NCKAP5: variants seen among roughly 807,000 people sequenced by gnomAD.
NCKAP5 encodes the protein nck-associated protein 5.
In NCKAP5, 92 loss-of-function variants were observed where a neutral mutation model predicts 167.0. The ratio of observed to expected loss-of-function variants is 0.55; its 90% CI spans 0.47 to 0.66. The LOEUF (loss-of-function observed/expected upper bound fraction) is 0.66. Among genes scored for constraint, NCKAP5 ranks in the 30% least tolerant of loss-of-function variants. NCKAP5 has a pLI of 0.00. For missense variants in NCKAP5, 2,378 were observed against 2,315.0 expected (o/e 1.03, Z -0.56); for synonymous variants, 891 against 877.4 (o/e 1.02, Z -0.27).
At chr2:133,469,271 G>T (rs945330442) in intron 3 of NCKAP5, among the ~76,000 whole-genome samples, 1 of 151,824 alleles carries the variant, frequency 6.6e-6, no homozygotes, top group Non-Finnish European at 1.5e-5. Flanking sequence ...TGCTTATGAA[G>T]CTTAGTTTGG....
At chr2:133,577,554 CATGTGCACAACGTGCAGGTTTGT>C in the NCKAP5 span, among the ~76,000 whole-genome samples, 20 of 151,822 alleles carry the variant, frequency 1.3e-4, no homozygotes, top group Non-Finnish European at 2.8e-4. Context: ...TTTTAGGGTA[CATGTGCACAACGTGCAGGTTTGT>C]TACATTGTAC....
At chr2:133,548,619 A>G (rs1686975065) in intron 2 of NCKAP5, among the ~76,000 whole-genome samples, 4 of 152,072 alleles carry the variant, frequency 2.6e-5, no homozygotes, top group Admixed American at 2.6e-4. Context: ...TTTCATATCC[A>G]GCCAAACTAA....
chr2:133,188,430 C>A (rs536682462), intron 5 of NCKAP5, among the ~76,000 whole-genome samples: 24 of 151,900 alleles, frequency 1.6e-4, no homozygotes, highest in African/African-American at 5.5e-4. Flanking sequence ...TGCACCAAGC[C>A]GACCTAATAG....
the NCKAP5 span, among the ~76,000 whole-genome samples, chr2:133,592,096 C>T: frequency 1.1e-4 from 16 of 151,864 alleles, no homozygotes; most frequent in Non-Finnish European, 2.4e-4. Flanking sequence ...GGGTATGAAA[C>T]ATTTTTCATT....
intron 3 of NCKAP5, among the ~76,000 whole-genome samples, chr2:133,349,288 AAG>A (rs1684189678): frequency 6.6e-6 from 1 of 152,198 alleles, no homozygotes. Flanking sequence ...CCCTAGGAAG[AAG>A]AGAGTTTCCA....
chr2:133,524,676 A>G (rs1684724799), intron 2 of NCKAP5, among the ~76,000 whole-genome samples: 1 of 152,132 alleles, frequency 6.6e-6, no homozygotes, highest in Non-Finnish European at 1.5e-5. Context: ...ACCAAATAGA[A>G]TGTTTGAAAC....
intron 8 of NCKAP5, among the ~76,000 whole-genome samples, chr2:132,932,687 A>C (rs1380603831): frequency 6.6e-6 from 1 of 152,146 alleles, no homozygotes; most frequent in Non-Finnish European, 1.5e-5. Context: ...TTTCCACAAA[A>C]GGGGAAACAT....
chr2:133,014,962 T>C (rs1041318586), intron 6 of NCKAP5, among the ~76,000 whole-genome samples: 1 of 152,148 alleles, frequency 6.6e-6, no homozygotes. Flanking sequence ...TTTTATATGG[T>C]TCAACCTAAT....
chr2:133,329,460 C>G (rs181498569), intron 3 of NCKAP5, among the ~76,000 whole-genome samples: 4 of 152,052 alleles, frequency 2.6e-5, no homozygotes, highest in African/African-American at 9.7e-5. Context: ...ACCAAGGACA[C>G]CACTGGTCTT....
At chr2:133,256,403 G>A (rs1421862545) in intron 4 of NCKAP5, among the ~76,000 whole-genome samples, 2 of 151,622 alleles carry the variant, frequency 1.3e-5, no homozygotes, top group Admixed American at 1.3e-4. Context: ...TGGCTCATTT[G>A]GCATATGTTT....
intron 3 of NCKAP5, among the ~76,000 whole-genome samples, chr2:133,499,113 C>T (rs751163312): frequency 6.6e-6 from 1 of 152,126 alleles, no homozygotes; most frequent in Non-Finnish European, 1.5e-5. Context: ...TTCTGGACTG[C>T]GGCTGCCAGA....
intron 11 of NCKAP5, among the ~76,000 whole-genome samples, chr2:132,844,514 TGTGA>T (rs1688526576): frequency 6.6e-6 from 1 of 151,950 alleles, no homozygotes; most frequent in South Asian, 2.1e-4. Flanking sequence ...TGCTTTTCTG[TGTGA>T]GTGTGTATTT....
chr2:133,627,311 ATAAGAAT>A, the NCKAP5 span, among the ~76,000 whole-genome samples: 3 of 152,226 alleles, frequency 2.0e-5, no homozygotes, highest in African/African-American at 4.8e-5. Context: ...ATTAATCTCC[ATAAGAAT>A]TAAGGAAATA....
intron 3 of NCKAP5, among the ~76,000 whole-genome samples, chr2:133,368,009 C>G (rs1490448950): frequency 1.3e-5 from 2 of 152,134 alleles, no homozygotes; most frequent in Non-Finnish European, 2.9e-5. Flanking sequence ...GAACTGAAGT[C>G]AGACACGTGG....
Position 133,543,919 on chromosome 2 carries a change from G to T in NCKAP5, c.-62+15131C>A, listed in dbSNP as rs990940551. The stretch of plus-strand genomic sequence containing the variant: ...TTCCCACTAGATTGGTTCCCCTCAA[G>T]AACAGAAGCCACAGCTCATTTATCT... On this transcript the variant is annotated intron_variant, in intron 2 of 19. Transcript: ENST00000409261. 3.3e-5 allele frequency among the ~76,000 whole-genome samples: 5 copies of T among 152,280 alleles called. No individual in the cohort carries two copies. In the South Asian group the frequency reaches 6.2e-4, roughly 19 times the overall value.
intron 7 of NCKAP5, among the ~76,000 whole-genome samples, chr2:132,972,173 C>A (rs1323999225): frequency 6.6e-6 from 1 of 152,152 alleles, no homozygotes; most frequent in Non-Finnish European, 1.5e-5. Context: ...AGCTTGCTAA[C>A]CCTACTTCAG....
intron 5 of NCKAP5, among the ~76,000 whole-genome samples, chr2:133,160,525 C>G (rs191830860): frequency 2.0e-5 from 3 of 147,024 alleles, no homozygotes; most frequent in East Asian, 2.1e-4. Context: ...ATTCAGAGAA[C>G]TCCCAGGTCA....
the NCKAP5 span, among the ~76,000 whole-genome samples, chr2:133,615,502 T>C: frequency 6.6e-6 from 1 of 152,148 alleles, no homozygotes; most frequent in Non-Finnish European, 1.5e-5. Context: ...GTTGCAGTCC[T>C]ACTCTCTGAT....
At chr2:132,725,139 A>G (rs2105424611) in intron 19 of NCKAP5, among the ~76,000 whole-genome samples, 1 of 152,304 alleles carries the variant, frequency 6.6e-6, no homozygotes, top group South Asian at 2.1e-4. Flanking sequence ...AGAGATAATG[A>G]CTTTTCTACT....
Sources: gnomAD v4.1 joint callset for allele counts (sites outside exome capture counted in the v4.1 genomes callset) on GRCh38, gnomAD v4.1.1 for gene constraint, MANE v1.5 for transcripts, NCBI Gene and HGNC (gene_info 2026-07-23, HGNC 2026-07-21) for gene names.